Variants in ATP13A4 observed in about 807,000 individuals in gnomAD.
ATP13A4 encodes ATPase 13A4.
In ATP13A4, 114 loss-of-function variants were observed where a neutral mutation model predicts 142.5. The observed-to-expected ratio is 0.80, with a 90% CI of 0.69 to 0.93. ATP13A4 has a LOEUF of 0.93. ATP13A4 is among the 40% of genes least tolerant of loss of function. The pLI, the probability that ATP13A4 is intolerant of heterozygous loss-of-function variation, is 0.00. For synonymous variants in ATP13A4, 488 were observed against 514.8 expected, an observed-to-expected ratio of 0.95 and a Z score of 0.70; for missense variants, 1,392 against 1,454.0, an observed-to-expected ratio of 0.96 and a Z score of 0.69.
intron 2 of ATP13A4, among the ~76,000 whole-genome samples, chr3:193,565,929 G>C (rs1724122283): frequency 6.6e-6 from 1 of 152,152 alleles, no homozygotes; most frequent in African/African-American, 2.4e-5. Flanking sequence ...TCCTACTCTT[G>C]TGATATTGTT....
At chr3:193,571,243 C>T (rs897568515) in intron 2 of ATP13A4, among the ~76,000 whole-genome samples, 2 of 130,532 alleles carry the variant, frequency 1.5e-5, no homozygotes, top group South Asian at 2.5e-4. Context: ...TGCGTTACTG[C>T]ACTCCAGCCT....
At chr3:193,414,176 T>C (rs1032947811) in intron 26 of ATP13A4, among the ~76,000 whole-genome samples, 1 of 152,224 alleles carries the variant, frequency 6.6e-6, no homozygotes, top group Non-Finnish European at 1.5e-5. Context: ...CTCTGATAAT[T>C]TGTAAGTGAG....
chr3:193,445,946 T>C lies in ATP13A4; in HGVS notation c.2152+2260A>G, dbSNP rs185560585. On this transcript the variant is annotated intron_variant, in intron 18 of 29. Transcript: ENST00000342695. The stretch of plus-strand genomic sequence containing the variant: ...AATGAGCATTGTTGAGACCTGAGAT[T>C]GTGGTCTGAACAAACTGGGTGCAAA... Among the ~76,000 whole-genome samples, 12 of 143,366 alleles carry C rather than the reference T, an allele frequency of 8.4e-5. No individual in the cohort carries two copies. The East Asian group carries it at 2.5e-3, about 29-fold the overall frequency. The allele number at this position is 143,366 out of a possible 152,430, so 94.1% of individuals were successfully genotyped here.
intron 28 of ATP13A4, 21 bp from the exon 29 acceptor site, chr3:193,407,414 A>G (rs781213504): frequency 1.6e-5 from 26 of 1,584,152 alleles, no homozygotes; most frequent in Middle Eastern, 3.3e-4. Flanking sequence ...ATGATGAAGC[A>G]CAGTTAGTCT....
chr3:193,512,891 TC>T (rs1381854050), intron 2 of ATP13A4, among the ~76,000 whole-genome samples: 3 of 152,174 alleles, frequency 2.0e-5, no homozygotes, highest in African/African-American at 7.2e-5. Flanking sequence ...CGGGCACTTT[TC>T]TTTTGTGCAC....
chr3:193,478,524 G>A (rs1425297626), intron 8 of ATP13A4, among the ~76,000 whole-genome samples: 1 of 151,938 alleles, frequency 6.6e-6, no homozygotes, highest in Non-Finnish European at 1.5e-5. Context: ...AGAAAATCTA[G>A]AGGAGATGGA....
intron 1 of ATP13A4, among the ~76,000 whole-genome samples, chr3:193,550,792 G>T (rs143826259): frequency 6.6e-6 from 1 of 152,022 alleles, no homozygotes; most frequent in Non-Finnish European, 1.5e-5. Context: ...ATCAGGGAAC[G>T]TTACTTTTTA....
intron 2 of ATP13A4, among the ~76,000 whole-genome samples, chr3:193,510,594 G>A (rs992883362): frequency 5.9e-5 from 9 of 152,126 alleles, no homozygotes; most frequent in Non-Finnish European, 8.8e-5. Context: ...ACAGAATGCT[G>A]CTTTTAAAAT....
chr3:193,550,035 ATT>A (rs1483606582), intron 1 of ATP13A4, among the ~76,000 whole-genome samples: 4 of 152,182 alleles, frequency 2.6e-5, no homozygotes, highest in Non-Finnish European at 5.9e-5. Flanking sequence ...GCTGGTAAGT[ATT>A]TAACAAATGG....
chr3:193,574,545 C>G (rs1478843222), intron 2 of ATP13A4, among the ~76,000 whole-genome samples: 2 of 149,714 alleles, frequency 1.3e-5, no homozygotes, highest in Non-Finnish European at 3.0e-5. Flanking sequence ...ATGGTGAAAC[C>G]CTGTCTGTAA....
At chr3:193,504,094 T>C (rs142417114) in intron 2 of ATP13A4, among the ~76,000 whole-genome samples, 123 of 151,706 alleles carry the variant, frequency 8.1e-4, no homozygotes, top group African/African-American at 2.9e-3. Flanking sequence ...ATAACCTTAA[T>C]AGAAATTGGA....
chr3:193,439,047 A>G lies in ATP13A4; in HGVS notation c.2538T>C (p.Cys846=). 1.2e-6 allele frequency: 2 copies of G among 1,609,256 alleles called. No homozygotes were observed. The highest frequency in any genetic ancestry group is 1.7e-6 in the Non-Finnish European group (2 of 1,175,552). The change falls in exon 22 of 30, where the codon TGT becomes TGC. Residue 846 remains cysteine, a synonymous_variant. Transcript: ENST00000342695. ...FQKLDYFVGM[C]GDGANDCGAL... ...CCCCACAGTCATTGGCTCCATCACC[A>G]CACATACCTACAAAGTAACTAAGAG...
At chr3:193,481,560 A>G (rs1719295188) in intron 8 of ATP13A4, among the ~76,000 whole-genome samples, 1 of 152,136 alleles carries the variant, frequency 6.6e-6, no homozygotes, top group Non-Finnish European at 1.5e-5. Flanking sequence ...ACAAATTATT[A>G]TTTTTTAAAA....
upstream of ATP13A4, among the ~76,000 whole-genome samples, chr3:193,558,542 C>T (rs1723951640): frequency 6.6e-6 from 1 of 152,162 alleles, no homozygotes; most frequent in African/African-American, 2.4e-5. Flanking sequence ...ACAAGACCAA[C>T]ACCAAAATAT....
intron 2 of ATP13A4, among the ~76,000 whole-genome samples, chr3:193,566,459 T>G (rs1724136452): frequency 6.6e-6 from 1 of 152,148 alleles, no homozygotes; most frequent in South Asian, 2.1e-4. Context: ...CTGTGACTGC[T>G]CCTGGGTATG....
rs1316619536 is a variant in ATP13A4 at position 193,418,122 on chromosome 3, A to G, written c.2843-3372T>C. ...GGGCGACAGAGCGAGACTCCGTCTC[A>G]AAAAAAAAAAAAAAAAAAAAAAAAA... On this transcript the variant is annotated intron_variant, in intron 25 of 29. Coordinates refer to ENST00000342695, the MANE Select transcript of ATP13A4 (RefSeq NM_032279.4). Among the ~76,000 whole-genome samples the G allele has an allele frequency of 2.6e-3, 8 of 3,068 alleles. No homozygotes were observed. The East Asian group carries it at 0.15, about 57-fold the overall frequency. 2.0% of individuals were successfully genotyped at this position (3,068 alleles called of 152,430 possible). A position where few individuals can be genotyped will look rare whatever the true frequency, so the allele number is the denominator to read the frequency against.
Position 193,464,957 on chromosome 3 carries a change from G to T in ATP13A4, c.1444C>A (p.Leu482Ile), listed in dbSNP as rs147096323. Reference protein sequence around the residue: ...QRINVCGQLNLVCFDKTGTLT... With the variant: ...QRINVCGQLNIVCFDKTGTLT... Reference sequence around the variant, plus strand: ...ACACATACCTTGTCAAAGCAGACAAGGTTTAACTGTCCACATACGTTGATC... The same window carrying T: ...ACACATACCTTGTCAAAGCAGACAATGTTTAACTGTCCACATACGTTGATC... The change falls in exon 12 of 30, where the codon CTT becomes ATT. Residue 482 changes from leucine to isoleucine, a missense_variant. Leu to Ile is a conservative substitution (Grantham distance 5). Transcript: ENST00000342695. 5 of 1,614,026 alleles carry T rather than the reference G, an allele frequency of 3.1e-6. No individual in the cohort carries two copies. The South Asian group carries it at 5.5e-5, about 18-fold the overall frequency.
intron 25 of ATP13A4, among the ~76,000 whole-genome samples, chr3:193,428,882 T>C (rs1214743492): frequency 6.6e-6 from 1 of 151,892 alleles, no homozygotes. Flanking sequence ...ATGGCACATG[T>C]ATACATATGT....
chr3:193,530,253 G>T (rs9849993), intron 1 of ATP13A4, among the ~76,000 whole-genome samples: 2 of 151,094 alleles, frequency 1.3e-5, no homozygotes, highest in Non-Finnish European at 2.9e-5. Flanking sequence ...CTCAAATCCT[G>T]TCTCAACCTC....
Sources: allele counts gnomAD v4.1 joint callset (sites outside exome capture counted in the v4.1 genomes callset), GRCh38; gene constraint gnomAD v4.1.1; transcripts MANE v1.5; gene names NCBI Gene and HGNC (gene_info 2026-07-23, HGNC 2026-07-21).